ARHGAP35: variants seen among roughly 807,000 people sequenced by gnomAD.
The protein encoded by ARHGAP35 is Rho GTPase activating protein 35.
Under a neutral mutation model 111.1 loss-of-function variants are expected in ARHGAP35, and 15 were observed. The observed-to-expected ratio is 0.13, with a 90% CI of 0.09 to 0.21. The LOEUF (loss-of-function observed/expected upper bound fraction) is 0.21. Among genes scored for constraint, ARHGAP35 ranks in the 10% least tolerant of loss-of-function variants. The pLI is 1.00. For missense variants in ARHGAP35, 1,262 were observed against 1,873.0 expected (o/e 0.67, Z 6.02); for synonymous variants, 643 against 710.3 (o/e 0.91, Z 1.51).
intron 1 of ARHGAP35, among the ~76,000 whole-genome samples, chr19:46,907,114 A>G (rs1364132973): frequency 6.6e-6 from 1 of 152,200 alleles, no homozygotes; most frequent in East Asian, 1.9e-4. Flanking sequence ...TTTTTTCTTA[A>G]TAAAAAATAT....
intron 1 of ARHGAP35, among the ~76,000 whole-genome samples, chr19:46,864,007 A>T (rs981078678): frequency 1.3e-5 from 2 of 152,034 alleles, no homozygotes; most frequent in Admixed American, 6.6e-5. Flanking sequence ...TATTGCAGGC[A>T]CTCCCTGCCA....
At chr19:46,863,990 C>T (rs952246307) in intron 1 of ARHGAP35, among the ~76,000 whole-genome samples, 1 of 152,190 alleles carries the variant, frequency 6.6e-6, no homozygotes, top group Admixed American at 6.5e-5. Context: ...AGATTTCTGC[C>T]CTCTGGTATT....
In ARHGAP35 at chr19:47,003,918, G is replaced by GCACA. The variant is rs35048370; in HGVS notation, c.*3259_*3262dup. 2,238 of 104,332 alleles carry GCACA rather than the reference G, an allele frequency of 0.021. 23 individuals are homozygous for GCACA. The highest frequency in any genetic ancestry group is 0.028 in the Non-Finnish European group (1,359 of 48,230). The allele number at this position is 104,332 out of a possible 1,614,324, so 6.5% of individuals were successfully genotyped here. Reference sequence around the variant, plus strand: ...GCAGGCCACCAGGCATTCTGGACACGCACACACACACACACACACACACAC... The same window carrying GCACA: ...GCAGGCCACCAGGCATTCTGGACACGCACACACACACACACACACACACACACAC... On this transcript the variant is annotated 3_prime_UTR_variant, in exon 7 of 7. Transcript: ENST00000672722.
intron 3 of ARHGAP35, among the ~76,000 whole-genome samples, chr19:46,980,998 C>A (rs895850465): frequency 6.6e-6 from 1 of 152,216 alleles, no homozygotes; most frequent in Non-Finnish European, 1.5e-5. Flanking sequence ...CCCCCTCACC[C>A]TTTGATCTTC....
rs1464671670 is a variant in ARHGAP35, at chr19:47,004,719, C to A, written c.*4031C>A. 1.3e-5 allele frequency: 2 copies of A among 152,612 alleles called. No individual in the cohort carries two copies. The highest frequency in any genetic ancestry group is 1.5e-5 in the Non-Finnish European group (1 of 68,034). 9.5% of individuals were successfully genotyped at this position (152,612 alleles called of 1,614,324 possible). On this transcript the variant is annotated 3_prime_UTR_variant, in exon 7 of 7. Coordinates refer to ENST00000672722, the MANE Select transcript of ARHGAP35 (RefSeq NM_004491.5). ...GTAGTCTGGCTGTGTGCCCAAAATT[C>A]TGTTTCGCAGCAAAAGTGAAGACCT...
Position 46,989,811 on chromosome 19 carries a change from G to A in ARHGAP35, c.4036+136G>A, listed in dbSNP as rs2056670289. 1 of 1,420,930 alleles carries A rather than the reference G, an allele frequency of 7.0e-7. No individual in the cohort carries two copies. Among genetic ancestry groups the A allele is most frequent in the South Asian group, 1.3e-5 (1 of 79,330 alleles). 88.0% of individuals were successfully genotyped at this position (1,420,930 alleles called of 1,614,324 possible). On this transcript the variant is annotated intron_variant, in intron 5 of 6. Transcript: ENST00000672722. This position sits in a 1 kb window ranked among gnomAD's most constrained non-coding sequence, Gnocchi z 5.3. ...GGACAGAGGGCAAGGGAATTAACCA[G>A]ATGACAGCAATGGGACTTGCAAATC...
chr19:46,936,730 G>A (rs2056309766), intron 2 of ARHGAP35, among the ~76,000 whole-genome samples: 1 of 151,970 alleles, frequency 6.6e-6, no homozygotes, highest in African/African-American at 2.4e-5. Flanking sequence ...TAATAATGTG[G>A]TCTCATACTC....
rs1000333306 is a variant in ARHGAP35 at position 46,993,313 on chromosome 19, G to C, written c.4036+3638G>C. 1.3e-5 allele frequency among the ~76,000 whole-genome samples: 2 copies of C among 152,232 alleles called. No individual in the cohort carries two copies. Among genetic ancestry groups the C allele is most frequent in the Non-Finnish European group, 2.9e-5 (2 of 68,038 alleles). Reference sequence around the variant, plus strand: ...GGCTTTCCCTTTCCTGGCGATGCAGGCGTGCAGATGGTCAGCGGCGGCCAG... The same window carrying C: ...GGCTTTCCCTTTCCTGGCGATGCAGCCGTGCAGATGGTCAGCGGCGGCCAG... On this transcript the variant is annotated intron_variant, in intron 5 of 6. Coordinates refer to ENST00000672722, the MANE Select transcript of ARHGAP35 (RefSeq NM_004491.5). The surrounding 1 kb of genome is among the most constrained non-coding windows in gnomAD (Gnocchi z 4.6).
At chr19:46,875,633 C>T (rs569995933) in intron 1 of ARHGAP35, among the ~76,000 whole-genome samples, 16 of 152,102 alleles carry the variant, frequency 1.1e-4, no homozygotes, top group Admixed American at 2.0e-4. Flanking sequence ...ACCTATTTTG[C>T]TTGCCACAGT....
intron 1 of ARHGAP35, among the ~76,000 whole-genome samples, chr19:46,874,061 A>T (rs528815691): frequency 1.8e-4 from 27 of 152,132 alleles, no homozygotes; most frequent in African/African-American, 5.3e-4. Context: ...TATTAATTAA[A>T]TTTTTTTTCC....
chr19:46,990,429 A>G (rs1010532537), intron 5 of ARHGAP35, among the ~76,000 whole-genome samples: 3 of 152,130 alleles, frequency 2.0e-5, no homozygotes, highest in Non-Finnish European at 4.4e-5. Context: ...GCGTCCCACC[A>G]TGTGGCCCTC....
chr19:46,889,073 C>T (rs1406500177), intron 1 of ARHGAP35, among the ~76,000 whole-genome samples: 1 of 152,132 alleles, frequency 6.6e-6, no homozygotes, highest in African/African-American at 2.4e-5. Flanking sequence ...AACCCCTGCA[C>T]TTTGGGAGGC....
chr19:46,910,426 G>A (rs1285369570), intron 1 of ARHGAP35, among the ~76,000 whole-genome samples: 1 of 151,664 alleles, frequency 6.6e-6, no homozygotes, highest in Non-Finnish European at 1.5e-5. Flanking sequence ...GAGTAGCTAG[G>A]ATTACATGGC....
intron 3 of ARHGAP35, among the ~76,000 whole-genome samples, chr19:46,972,399 G>A (rs1490264648): frequency 6.6e-6 from 1 of 152,262 alleles, no homozygotes; most frequent in Non-Finnish European, 1.5e-5. Context: ...ATGGGACACA[G>A]CAGGACAAAA....
intron 1 of ARHGAP35, among the ~76,000 whole-genome samples, chr19:46,873,353 T>G (rs8107612): frequency 6.6e-6 from 1 of 152,100 alleles, no homozygotes; most frequent in Non-Finnish European, 1.5e-5. Context: ...AGGAGCCGGC[T>G]GGGCATGGTG....
chr19:46,999,247 G>A lies in ARHGAP35; in HGVS notation c.4037-57G>A, dbSNP rs996429680. The A allele has an allele frequency of 2.4e-6, 3 of 1,241,592 alleles. No individual in the cohort carries two copies. The highest frequency in any genetic ancestry group is 2.6e-5 in the South Asian group (2 of 77,192). The allele number at this position is 1,241,592 out of a possible 1,614,324, so 76.9% of individuals were successfully genotyped here. Reference sequence around the variant, plus strand: ...GAAGGCCCATCACAGAGCACGCCCTGGGGTGGCCACCAGCCTCGGCCATGA... The same window carrying A: ...GAAGGCCCATCACAGAGCACGCCCTAGGGTGGCCACCAGCCTCGGCCATGA... On this transcript the variant is annotated intron_variant, in intron 5 of 6. Transcript: ENST00000672722. The surrounding 1 kb of genome is among the most constrained non-coding windows in gnomAD (Gnocchi z 5.4).
chr19:46,875,907 C>T (rs1246020145), intron 1 of ARHGAP35, among the ~76,000 whole-genome samples: 1 of 152,090 alleles, frequency 6.6e-6, no homozygotes, highest in Non-Finnish European at 1.5e-5. Context: ...GAAAGTGTCT[C>T]ATACACCTAA....
At chr19:46,929,891 G>T (rs2056262181) in intron 2 of ARHGAP35, among the ~76,000 whole-genome samples, 2 of 148,986 alleles carry the variant, frequency 1.3e-5, no homozygotes, top group Admixed American at 1.3e-4. Flanking sequence ...TCCAGCCTGG[G>T]CAACAAGAGC....
At position 47,000,323 on chromosome 19, in the gene ARHGAP35, G is replaced by A. The variant is rs202061760; in HGVS notation, c.4143-8G>A. 476 of 1,612,638 alleles carry A rather than the reference G, an allele frequency of 3.0e-4. 2 individuals are homozygous for A. The African/African-American group carries it at 5.5e-3, about 19-fold the overall frequency. ...AGTTCTGACCATTGAGTTTGGTGTCGCCCGCAGGGTCAGCCACAACAACAA... is the reference window on the plus strand; with the variant it reads ...AGTTCTGACCATTGAGTTTGGTGTCACCCGCAGGGTCAGCCACAACAACAA... On this transcript the variant is annotated splice_polypyrimidine_tract_variant and splice_region_variant and intron_variant, in intron 6 of 6. Transcript: ENST00000672722. The surrounding 1 kb of genome is among the most constrained non-coding windows in gnomAD (Gnocchi z 6.9).
Sources: gnomAD v4.1 joint callset for allele counts (sites outside exome capture counted in the v4.1 genomes callset) on GRCh38, gnomAD v4.1.1 for gene constraint, Gnocchi (gnomAD v3.1) non-coding constraint, MANE v1.5 for transcripts, NCBI Gene and HGNC (gene_info 2026-07-23, HGNC 2026-07-21) for gene names.